The following DSCAML1 variants were observed in gnomAD, a reference collection of about 807,000 sequenced individuals.
DSCAML1 encodes the protein DS cell adhesion molecule like 1.
Under a neutral mutation model 200.5 loss-of-function variants are expected in DSCAML1, and 38 were observed. The observed-to-expected ratio is 0.19, with a 90% confidence interval of 0.15 to 0.25. The LOEUF (loss-of-function observed/expected upper bound fraction) is 0.25. Among genes scored for constraint, DSCAML1 ranks in the 10% least tolerant of loss-of-function variants. The pLI is 1.00. For missense variants in DSCAML1, 2,223 were observed against 2,858.8 expected (o/e 0.78, Z 5.07); for synonymous variants, 1,215 against 1,165.0 (o/e 1.04, Z -0.87).
At chr11:117,561,801 C>T (rs1293809598) in intron 3 of DSCAML1, among the ~76,000 whole-genome samples, 1 of 152,270 alleles carries the variant, frequency 6.6e-6, no homozygotes, top group Non-Finnish European at 1.5e-5. Context: ...AACGGCATTG[C>T]AACTGCCACT....
chr11:117,755,401 GA>G (rs1312589800), intron 3 of DSCAML1, among the ~76,000 whole-genome samples: 20 of 152,176 alleles, frequency 1.3e-4, no homozygotes, highest in Non-Finnish European at 2.9e-4. Flanking sequence ...TAACGCTTGT[GA>G]AATAATTTTC....
chr11:117,532,347 C>T lies in DSCAML1; in HGVS notation c.658+29G>A, dbSNP rs762632010. 4.4e-6 allele frequency: 7 copies of T among 1,604,116 alleles called. No homozygotes were observed. In the Admixed American group the frequency reaches 1.0e-4, roughly 23 times the overall value. ...CCTGGTGTCCTCCCTTCCCAGCCTG[C>T]CCCGTTCTCCCCAGGCCCTCTCCCC... On this transcript the variant is annotated intron_variant, in intron 4 of 32. Coordinates refer to ENST00000651296, the MANE Select transcript of DSCAML1 (RefSeq NM_020693.4).
rs185413688 is a variant in DSCAML1 at position 117,493,500 on chromosome 11, G to A, written c.2359+10345C>T. ...CCCAGCTAATTTTTTGTATTTAGTA[G>A]AGATGGGGTTTCACCATGTTGGCCA... On this transcript the variant is annotated intron_variant, in intron 11 of 32. Transcript: ENST00000651296. 1.6e-3 allele frequency among the ~76,000 whole-genome samples: 246 copies of A among 151,638 alleles called. 1 individual carries two copies. The highest frequency in any genetic ancestry group is 5.5e-3 in the African/African-American group (227 of 41,276).
At chr11:117,607,640 C>T (rs186450068) in intron 3 of DSCAML1, among the ~76,000 whole-genome samples, 10 of 152,276 alleles carry the variant, frequency 6.6e-5, no homozygotes, top group South Asian at 4.2e-4. Context: ...CAGGGGCCTA[C>T]GCATTAGGTG....
intron 3 of DSCAML1, among the ~76,000 whole-genome samples, chr11:117,646,368 G>A (rs1487114660): frequency 6.6e-6 from 1 of 152,152 alleles, no homozygotes; most frequent in East Asian, 1.9e-4. Context: ...GATGAGGCCA[G>A]AAGTGCCTGA....
At chr11:117,471,790 A>C in intron 15 of DSCAML1, 79 bp downstream of exon 15, 1 of 1,499,872 alleles carries the variant, frequency 6.7e-7, no homozygotes, top group African/African-American at 1.4e-5. Context: ...GCTCATTGCC[A>C]GTGAACAGGA....
chr11:117,796,334 C>A (rs923991410), intron 1 of DSCAML1, among the ~76,000 whole-genome samples: 1 of 152,232 alleles, frequency 6.6e-6, no homozygotes, highest in Non-Finnish European at 1.5e-5. Context: ...AATCTCGCAT[C>A]TTGGGGCGCG....
At chr11:117,762,868 G>GTAATAATAA (rs58166401) in intron 3 of DSCAML1, among the ~76,000 whole-genome samples, 1,654 of 146,638 alleles carry the variant, frequency 0.011, 16 homozygotes, top group East Asian at 0.036. Context: ...GTCTCAAATA[G>GTAATAATAA]TAATAATAAT....
At chr11:117,587,063 T>A (rs747371958) in intron 3 of DSCAML1, among the ~76,000 whole-genome samples, 1 of 152,110 alleles carries the variant, frequency 6.6e-6, no homozygotes, top group Non-Finnish European at 1.5e-5. Context: ...GGTGGCCACA[T>A]CACGCAGGAC....
intron 3 of DSCAML1, among the ~76,000 whole-genome samples, chr11:117,744,662 G>A (rs922459945): frequency 3.9e-5 from 6 of 152,200 alleles, no homozygotes; most frequent in African/African-American, 1.4e-4. Flanking sequence ...GCCCCGGGGG[G>A]CAAAGTCCAC....
At chr11:117,618,059 C>T (rs1269003939) in intron 3 of DSCAML1, among the ~76,000 whole-genome samples, 1 of 152,198 alleles carries the variant, frequency 6.6e-6, no homozygotes, top group Non-Finnish European at 1.5e-5. Context: ...TCAACAATAC[C>T]TATTTCAGGA....
chr11:117,793,076 A>G (rs1443007064), intron 1 of DSCAML1, among the ~76,000 whole-genome samples: 1 of 152,186 alleles, frequency 6.6e-6, no homozygotes, highest in Non-Finnish European at 1.5e-5. Flanking sequence ...ACTGGCTGCT[A>G]CTGAGGTTGA....
intron 3 of DSCAML1, among the ~76,000 whole-genome samples, chr11:117,657,827 G>A (rs1317529788): frequency 1.3e-5 from 2 of 152,152 alleles, no homozygotes; most frequent in African/African-American, 4.8e-5. Flanking sequence ...TCAGTGAATA[G>A]TCTGCTATGC....
intron 11 of DSCAML1, among the ~76,000 whole-genome samples, chr11:117,483,038 G>A (rs1468276263): frequency 6.6e-6 from 1 of 152,216 alleles, no homozygotes; most frequent in Non-Finnish European, 1.5e-5. Flanking sequence ...CAGGGCCCAG[G>A]CTGGTCATCG....
chr11:117,669,206 C>G (rs1029489283), intron 3 of DSCAML1, among the ~76,000 whole-genome samples: 1 of 152,360 alleles, frequency 6.6e-6, no homozygotes, highest in Non-Finnish European at 1.5e-5. Flanking sequence ...GGGCTTCCTG[C>G]TGGGGAGTGC....
chr11:117,524,897 C>T lies in DSCAML1; in HGVS notation c.845G>A (p.Ser282Asn), dbSNP rs768736109. 4.0e-5 allele frequency: 65 copies of T among 1,613,156 alleles called. No homozygotes were observed. Among genetic ancestry groups the T allele is most frequent in the Non-Finnish European group, 5.3e-5 (62 of 1,179,782 alleles). The change falls in exon 5 of 33, where the codon AGC (serine) becomes AAC (asparagine). Residue 282 changes from serine to asparagine, a missense_variant. This residue lies in a region of DSCAML1 where 579 missense variants were observed against 721.5 expected (regional missense o/e 0.80). Transcript: ENST00000651296. ...GCCGCTGTCCTCGGTCCGCAAGTCG[C>T]TGATGGTCAGCCCTGTGATGCGCTT... ...WTKRITGLTI[S>N]DLRTEDSGTY...
intron 11 of DSCAML1, among the ~76,000 whole-genome samples, chr11:117,499,928 C>T (rs976480830): frequency 2.6e-5 from 4 of 152,242 alleles, no homozygotes; most frequent in Non-Finnish European, 5.9e-5. Context: ...CCTCGGACTC[C>T]TGGAACTCTT....
intron 3 of DSCAML1, among the ~76,000 whole-genome samples, chr11:117,652,787 TGCCACCCCCTCA>T (rs2052660800): frequency 6.6e-6 from 1 of 152,126 alleles, no homozygotes; most frequent in Admixed American, 6.5e-5. Context: ...GTCTCCCCAT[TGCCACCCCCTCA>T]GCCCCATAAA....
At chr11:117,745,160 G>T (rs11216523) in intron 3 of DSCAML1, among the ~76,000 whole-genome samples, 11 of 151,170 alleles carry the variant, frequency 7.3e-5, no homozygotes, top group African/African-American at 1.2e-4. Context: ...GGTCATCTGG[G>T]TGGGGGGGAT....
Sources: gnomAD v4.1 joint callset for allele counts (sites outside exome capture counted in the v4.1 genomes callset) on GRCh38, gnomAD v4.1.1 for gene constraint, gnomAD v4.1.1 regional missense constraint, MANE v1.5 for transcripts, NCBI Gene and HGNC (gene_info 2026-07-23, HGNC 2026-07-21) for gene names.